Variants in SLC9A9 observed in about 807,000 individuals in gnomAD.
SLC9A9 encodes solute carrier family 9 member A9, also known as sodium/hydrogen exchanger 9.
A neutral mutation model predicts 77.8 loss-of-function variants in SLC9A9; 62 were observed. The observed-to-expected ratio is 0.80, with a 90% CI of 0.65 to 0.98. The LOEUF (loss-of-function observed/expected upper bound fraction) is 0.98, where lower values mean the gene tolerates loss of function less well. Among genes scored for constraint, SLC9A9 ranks in the 50% least tolerant of loss-of-function variants. The pLI is 0.00. For missense variants in SLC9A9, 775 were observed against 774.9 expected (o/e 1.00, Z 0.00); for synonymous variants, 320 against 283.5 (o/e 1.13, Z -1.29).
intron 4 of SLC9A9, among the ~76,000 whole-genome samples, chr3:143,725,285 G>A (rs901686877): frequency 4.6e-5 from 7 of 152,226 alleles, no homozygotes; most frequent in African/African-American, 1.7e-4. Flanking sequence ...TACACTGTTG[G>A]TGGGACTGTT....
At chr3:143,757,936 C>T (rs950428944) in intron 4 of SLC9A9, among the ~76,000 whole-genome samples, 8 of 152,000 alleles carry the variant, frequency 5.3e-5, no homozygotes, top group African/African-American at 1.2e-4. Flanking sequence ...AGGAAACAGC[C>T]GGAAAAGTAT....
intron 12 of SLC9A9, among the ~76,000 whole-genome samples, chr3:143,394,970 C>T (rs1403608036): frequency 1.3e-5 from 2 of 152,324 alleles, no homozygotes; most frequent in Admixed American, 6.5e-5. Context: ...AATGGGAGAA[C>T]ATTCCATGCT....
At chr3:143,842,204 C>T (rs1242960382) in intron 1 of SLC9A9, among the ~76,000 whole-genome samples, 2 of 152,156 alleles carry the variant, frequency 1.3e-5, no homozygotes, top group African/African-American at 4.8e-5. Flanking sequence ...CACAGTGAAA[C>T]CCCATCTCTA....
intron 4 of SLC9A9, among the ~76,000 whole-genome samples, chr3:143,720,022 T>A (rs1392721767): frequency 6.6e-6 from 1 of 152,000 alleles, no homozygotes; most frequent in African/African-American, 2.4e-5. Flanking sequence ...TTGCTGTAAT[T>A]CCTAACCCTA....
chr3:143,543,562 T>A (rs2036727819), intron 9 of SLC9A9, among the ~76,000 whole-genome samples: 1 of 152,138 alleles, frequency 6.6e-6, no homozygotes, highest in Non-Finnish European at 1.5e-5. Flanking sequence ...TTCTAGTAGC[T>A]CTTAGTGTCT....
chr3:143,424,330 G>A (rs536455953), intron 12 of SLC9A9, among the ~76,000 whole-genome samples: 145 of 150,360 alleles, frequency 9.6e-4, no homozygotes, highest in African/African-American at 3.3e-3. Flanking sequence ...GCAGTAGCAC[G>A]ATCTCAGCTC....
At chr3:143,369,385 C>A (rs919034831) in intron 13 of SLC9A9, among the ~76,000 whole-genome samples, 1 of 152,000 alleles carries the variant, frequency 6.6e-6, no homozygotes, top group African/African-American at 2.4e-5. Context: ...TTAATAGGTA[C>A]AAAATTACAG....
At chr3:143,315,391 C>A (rs1315285489) in intron 14 of SLC9A9, among the ~76,000 whole-genome samples, 1 of 152,168 alleles carries the variant, frequency 6.6e-6, no homozygotes, top group Non-Finnish European at 1.5e-5. Flanking sequence ...TCCATCTGGG[C>A]AGATATTGTT....
intron 14 of SLC9A9, among the ~76,000 whole-genome samples, chr3:143,332,638 A>C (rs2031809030): frequency 6.6e-6 from 1 of 152,268 alleles, no homozygotes; most frequent in African/African-American, 2.4e-5. Flanking sequence ...AATTTAAAAC[A>C]AAACAAAAGC....
chr3:143,784,195 AG>A (rs1487511592), intron 4 of SLC9A9, among the ~76,000 whole-genome samples: 1 of 152,234 alleles, frequency 6.6e-6, no homozygotes, highest in East Asian at 1.9e-4. Flanking sequence ...CCAGCTGAGC[AG>A]GGGTCAAGTT....
intron 11 of SLC9A9, among the ~76,000 whole-genome samples, chr3:143,484,299 A>G (rs561318654): frequency 2.6e-5 from 4 of 152,338 alleles, no homozygotes; most frequent in Non-Finnish European, 5.9e-5. Flanking sequence ...GCACCCAGAA[A>G]AGGCCAGACA....
intron 14 of SLC9A9, among the ~76,000 whole-genome samples, chr3:143,293,929 TTAAAAAAA>T (rs1259499733): frequency 6.6e-6 from 1 of 152,184 alleles, no homozygotes; most frequent in African/African-American, 2.4e-5. Flanking sequence ...GGAACCAGCG[TTAAAAAAA>T]TAAATCTCAT....
At chr3:143,318,893 G>T (rs751024437) in intron 14 of SLC9A9, among the ~76,000 whole-genome samples, 2 of 152,150 alleles carry the variant, frequency 1.3e-5, no homozygotes, top group African/African-American at 4.8e-5. Flanking sequence ...GCTTGGCCAC[G>T]CAAGATGTGT....
At chr3:143,645,625 T>C (rs2038693309) in intron 6 of SLC9A9, among the ~76,000 whole-genome samples, 1 of 152,152 alleles carries the variant, frequency 6.6e-6, no homozygotes, top group Non-Finnish European at 1.5e-5. Flanking sequence ...TCCCTCAAGA[T>C]ACATGGGCGG....
chr3:143,422,063 A>G (rs1025925126), intron 12 of SLC9A9, among the ~76,000 whole-genome samples: 4 of 152,216 alleles, frequency 2.6e-5, no homozygotes, highest in African/African-American at 4.8e-5. Flanking sequence ...CAGAATGGCT[A>G]TGATTAAAAA....
chr3:143,785,055 T>A (rs1322731269), intron 4 of SLC9A9, among the ~76,000 whole-genome samples: 1 of 152,242 alleles, frequency 6.6e-6, no homozygotes, highest in Non-Finnish European at 1.5e-5. Flanking sequence ...ATCTATTGTT[T>A]ATAAGACGCC....
At chr3:143,446,874 GTA>G (rs376975578) in intron 12 of SLC9A9, among the ~76,000 whole-genome samples, 1,602 of 122,928 alleles carry the variant, frequency 0.013, 15 homozygotes, top group South Asian at 0.052. Flanking sequence ...AGGTAGGTGT[GTA>G]TGTGTGTGTG....
intron 4 of SLC9A9, among the ~76,000 whole-genome samples, chr3:143,720,125 T>C (rs1934458364): frequency 6.6e-6 from 1 of 151,266 alleles, no homozygotes; most frequent in Non-Finnish European, 1.5e-5. Flanking sequence ...ATATAATATA[T>C]ATTATATATG....
At chr3:143,386,240 G>A (rs1323223760) in intron 12 of SLC9A9, among the ~76,000 whole-genome samples, 3 of 152,140 alleles carry the variant, frequency 2.0e-5, no homozygotes, top group South Asian at 2.1e-4. Context: ...TGTCTTTGGC[G>A]ACCCTGGCTC....
Sources: allele counts gnomAD v4.1 joint callset (sites outside exome capture counted in the v4.1 genomes callset), GRCh38; gene constraint gnomAD v4.1.1; transcripts MANE v1.5; gene names NCBI Gene and HGNC (gene_info 2026-07-23, HGNC 2026-07-21).